PRELID2: variants seen among roughly 807,000 people sequenced by gnomAD.
The protein encoded by PRELID2 is PRELI domain-containing protein 2.
Under a neutral mutation model 28.4 loss-of-function variants are expected in PRELID2, and 25 were observed. The ratio of observed to expected loss-of-function variants is 0.88; its 90% CI spans 0.64 to 1.23. The LOEUF (loss-of-function observed/expected upper bound fraction) is 1.23. Ranked by LOEUF, PRELID2 falls within the 50% of genes most tolerant of loss-of-function variation. PRELID2 has a pLI of 0.00. For missense variants in PRELID2, 201 were observed against 214.4 expected, an observed-to-expected ratio of 0.94 and a Z score of 0.39; for synonymous variants, 76 against 71.6, an observed-to-expected ratio of 1.06 and a Z score of -0.31.
chr5:145,422,045 G>C, the PRELID2 span, among the ~76,000 whole-genome samples: 9 of 141,606 alleles, frequency 6.4e-5, no homozygotes, highest in African/African-American at 2.4e-4. Context: ...GAGTGGTTTT[G>C]AGTGAGATTC....
the PRELID2 span, chr5:145,450,866 G>T: frequency 6.6e-6 from 1 of 152,080 alleles, no homozygotes; most frequent in Non-Finnish European, 1.5e-5. Context: ...TGCAAAAGTG[G>T]CAACAACATT....
chr5:145,532,072 G>A (rs1418318752), intron 1 of PRELID2, among the ~76,000 whole-genome samples: 6 of 152,006 alleles, frequency 3.9e-5, no homozygotes, highest in African/African-American at 7.2e-5. Context: ...ATAAATGTCC[G>A]TTGGCATGAT....
chr5:145,357,724 A>G, the PRELID2 span, among the ~76,000 whole-genome samples: 3 of 152,018 alleles, frequency 2.0e-5, no homozygotes, highest in Admixed American at 1.3e-4. Flanking sequence ...TCCTATCCAT[A>G]TTCTGAATCA....
chr5:145,362,355 A>G, the PRELID2 span, among the ~76,000 whole-genome samples: 2 of 152,096 alleles, frequency 1.3e-5, no homozygotes, highest in African/African-American at 4.8e-5. Flanking sequence ...CTTCATATTC[A>G]CTAACATCTT....
chr5:145,423,712 G>T, the PRELID2 span, among the ~76,000 whole-genome samples: 11 of 111,072 alleles, frequency 9.9e-5, no homozygotes, highest in South Asian at 1.1e-3. Context: ...TAATTTGATC[G>T]TCTGAAGCCT....
At chr5:145,282,777 C>T in the PRELID2 span, among the ~76,000 whole-genome samples, 1 of 152,094 alleles carries the variant, frequency 6.6e-6, no homozygotes, top group Non-Finnish European at 1.5e-5. Flanking sequence ...CCTCTGCCTC[C>T]CACTGTGCTA....
the PRELID2 span, among the ~76,000 whole-genome samples, chr5:145,440,144 A>G: frequency 6.6e-6 from 1 of 152,034 alleles, no homozygotes; most frequent in Non-Finnish European, 1.5e-5. Flanking sequence ...GCATGGATGA[A>G]CCGTTTAAAT....
intron 1 of PRELID2, among the ~76,000 whole-genome samples, chr5:145,606,357 G>A (rs867611811): frequency 4.6e-5 from 7 of 152,120 alleles, no homozygotes; most frequent in Non-Finnish European, 2.9e-5. Flanking sequence ...GTTTTCAGGA[G>A]TAATGCTTCC....
At chr5:145,819,739 TCA>T in intron 3 of PRELID2, 1 of 593,366 alleles carries the variant, frequency 1.7e-6, no homozygotes, top group Non-Finnish European at 3.0e-6. Context: ...TAAGAGTTCT[TCA>T]CAAGACAGAG....
chr5:145,819,750 A>G, intron 3 of PRELID2, 195 bp downstream of exon 3: 1 of 597,104 alleles, frequency 1.7e-6, no homozygotes. Flanking sequence ...CACAAGACAG[A>G]GAGACAAAGT....
intron 1 of PRELID2, among the ~76,000 whole-genome samples, chr5:145,599,247 T>C (rs1753353812): frequency 1.3e-5 from 2 of 152,206 alleles, no homozygotes; most frequent in South Asian, 4.1e-4. Context: ...AAAGTCTATT[T>C]TTGGCAGCTA....
chr5:145,570,040 C>T (rs1160178210), intron 1 of PRELID2, among the ~76,000 whole-genome samples: 1 of 152,136 alleles, frequency 6.6e-6, no homozygotes, highest in Non-Finnish European at 1.5e-5. Context: ...TGCCTCTCTC[C>T]CAGCTTCTGG....
chr5:145,539,160 A>T (rs933814046), intron 1 of PRELID2, among the ~76,000 whole-genome samples: 1 of 152,010 alleles, frequency 6.6e-6, no homozygotes, highest in Non-Finnish European at 1.5e-5. Flanking sequence ...AACAATCTGC[A>T]GTGTTTATAT....
rs368987403 is a variant in PRELID2 at position 145,618,598 on chromosome 5, A to T, written n.71-145283T>A. Reference sequence around the variant, plus strand: ...CCAGTGGAGGTGACAGGAAGGTGAAATGGGCTGTGTAAGGGTACCTAGCTT... The same window carrying T: ...CCAGTGGAGGTGACAGGAAGGTGAATTGGGCTGTGTAAGGGTACCTAGCTT... On this transcript the variant is annotated intron_variant and non_coding_transcript_variant, in intron 1 of 2. Coordinates refer to the PRELID2 transcript ENST00000510259. Among the ~76,000 whole-genome samples, 181 of 152,230 alleles carry T rather than the reference A, an allele frequency of 1.2e-3. 3 individuals carry two copies. In the South Asian group the frequency reaches 0.037, roughly 31 times the overall value.
At chr5:145,326,753 A>G in the PRELID2 span, among the ~76,000 whole-genome samples, 1 of 152,120 alleles carries the variant, frequency 6.6e-6, no homozygotes, top group Non-Finnish European at 1.5e-5. Flanking sequence ...AACTCCTACC[A>G]CACACTATCA....
At chr5:145,408,231 A>T in the PRELID2 span, among the ~76,000 whole-genome samples, 24 of 152,120 alleles carry the variant, frequency 1.6e-4, no homozygotes, top group African/African-American at 5.5e-4. Flanking sequence ...TGGTAATATG[A>T]CAAAACAAGG....
chr5:145,437,838 C>T, the PRELID2 span, among the ~76,000 whole-genome samples: 1 of 152,072 alleles, frequency 6.6e-6, no homozygotes, highest in Non-Finnish European at 1.5e-5. Context: ...TATGGTCTGG[C>T]ATTTTCGCCC....
At chr5:145,461,281 C>T in the PRELID2 span, among the ~76,000 whole-genome samples, 1 of 151,958 alleles carries the variant, frequency 6.6e-6, no homozygotes, top group African/African-American at 2.4e-5. Context: ...GACTGTATAC[C>T]CTCAGACAAG....
intron 1 of PRELID2, among the ~76,000 whole-genome samples, chr5:145,578,226 G>C (rs1206354744): frequency 2.0e-5 from 3 of 152,072 alleles, no homozygotes; most frequent in Non-Finnish European, 4.4e-5. Flanking sequence ...CATCTTTATT[G>C]ACCATGAGTA....
Sources: allele counts gnomAD v4.1 joint callset (sites outside exome capture counted in the v4.1 genomes callset), GRCh38; gene constraint gnomAD v4.1.1; transcripts MANE v1.5; gene names NCBI Gene and HGNC (gene_info 2026-07-23, HGNC 2026-07-21).